LRBA: variants seen among roughly 807,000 people sequenced by gnomAD.
The protein encoded by LRBA is lipopolysaccharide-responsive and beige-like anchor protein.
Under a neutral mutation model 330.0 loss-of-function variants are expected in LRBA, and 176 were observed. That is an observed-to-expected ratio of 0.53 (90% CI 0.47 to 0.60). LRBA has a LOEUF of 0.60. LRBA is among the 20% of genes least tolerant of loss of function. LRBA has a pLI of 0.00. For synonymous variants in LRBA, 1,230 were observed against 1,193.0 expected (o/e 1.03, Z -0.64); for missense variants, 3,259 against 3,444.8 (o/e 0.95, Z 1.35).
At chr4:150,426,450 T>C (rs1031302314) in intron 46 of LRBA, among the ~76,000 whole-genome samples, 1 of 152,034 alleles carries the variant, frequency 6.6e-6, no homozygotes, top group Admixed American at 6.6e-5. Context: ...TTAAGTCTTG[T>C]CTACTCAACT....
chr4:150,273,274 C>G (rs2126720453), intron 56 of LRBA, among the ~76,000 whole-genome samples: 2 of 152,290 alleles, frequency 1.3e-5, no homozygotes, highest in South Asian at 4.2e-4. Context: ...GACATTTAGT[C>G]ACCACCAGGC....
chr4:150,844,607 A>G (rs548575557), intron 27 of LRBA, 51 bp downstream of exon 27: 2 of 1,499,546 alleles, frequency 1.3e-6, no homozygotes, highest in African/African-American at 2.8e-5. Context: ...AAAAATCTTA[A>G]TTGTAAAATA....
At chr4:150,388,751 G>A (rs1743449393) in intron 47 of LRBA, among the ~76,000 whole-genome samples, 2 of 152,108 alleles carry the variant, frequency 1.3e-5, no homozygotes, top group Admixed American at 6.5e-5. Context: ...AAGAAGGCAG[G>A]GACTTTATCA....
chr4:150,825,382 G>T (rs184753213), intron 30 of LRBA, among the ~76,000 whole-genome samples: 3 of 151,846 alleles, frequency 2.0e-5, no homozygotes, highest in Non-Finnish European at 4.4e-5. Flanking sequence ...ATGGGGCAGG[G>T]GGGGAAGGAG....
chr4:150,265,270 G>T lies in LRBA; in HGVS notation c.*452C>A, dbSNP rs1486500001. ...TACTATTTAAATCCCAGAAATATTA[G>T]TGCTGAAGAAGCACAGTTGTTTGGA... is the stretch of plus-strand genomic sequence containing the variant. On this transcript the variant is annotated 3_prime_UTR_variant, in exon 57 of 57. Coordinates refer to ENST00000651943, the MANE Select transcript of LRBA (RefSeq NM_001364905.1). 4 of 157,372 alleles carry T rather than the reference G, an allele frequency of 2.5e-5. No homozygotes were observed. Among genetic ancestry groups the T allele is most frequent in the African/African-American group, 9.6e-5 (4 of 41,480 alleles). 9.7% of individuals were successfully genotyped at this position (157,372 alleles called of 1,614,324 possible). A position where few individuals can be genotyped will look rare whatever the true frequency, so the allele number is the denominator to read the frequency against.
intron 2 of LRBA, among the ~76,000 whole-genome samples, chr4:151,000,469 T>C (rs1026373310): frequency 1.3e-5 from 2 of 152,230 alleles, no homozygotes; most frequent in African/African-American, 2.4e-5. Context: ...ATCACTACTC[T>C]TGTCCCGAAC....
intron 48 of LRBA, among the ~76,000 whole-genome samples, chr4:150,348,053 T>C (rs1736637383): frequency 6.6e-6 from 1 of 152,238 alleles, no homozygotes; most frequent in African/African-American, 2.4e-5. Context: ...CTACATATGG[T>C]TCATGGTTTA....
chr4:150,477,447 C>A lies in LRBA; in HGVS notation c.6552-5708G>T, dbSNP rs1756838431. ...AGGAAGCACCTTCTTCACAAGGCAG[C>A]AGTGGGGGTGGGAGAACCAAGAAAA... On this transcript the variant is annotated intron_variant, in intron 42 of 56. Coordinates refer to ENST00000651943, the MANE Select transcript of LRBA (RefSeq NM_001364905.1). 2.0e-5 allele frequency among the ~76,000 whole-genome samples: 3 copies of A among 151,998 alleles called. No individual in the cohort carries two copies. In the South Asian group the frequency reaches 6.2e-4, roughly 32 times the overall value.
At chr4:150,909,720 T>C (rs1220911512) in intron 9 of LRBA, among the ~76,000 whole-genome samples, 2 of 152,180 alleles carry the variant, frequency 1.3e-5, no homozygotes, top group Non-Finnish European at 2.9e-5. Context: ...TATTTTTAAT[T>C]TTTTGAGGAA....
chr4:150,481,478 T>C (rs1365577381), intron 42 of LRBA, among the ~76,000 whole-genome samples: 3 of 152,038 alleles, frequency 2.0e-5, no homozygotes, highest in Non-Finnish European at 4.4e-5. Flanking sequence ...TTGATGAGAT[T>C]TGAATATATA....
rs1387413425 is a variant in LRBA, at chr4:150,332,786, T to C, written c.7363-6888A>G. 3.3e-5 allele frequency among the ~76,000 whole-genome samples: 5 copies of C among 152,270 alleles called. No individual in the cohort carries two copies. The South Asian group carries it at 8.3e-4, about 25-fold the overall frequency. ...AGGCAGCATTCCAGATGTTGAGATA[T>C]ATAGTAATAAAAAAGACTATGCAAA... On this transcript the variant is annotated intron_variant, in intron 48 of 56. Transcript: ENST00000651943.
chr4:150,435,478 T>C, intron 46 of LRBA, 111 bp downstream of exon 46: 1 of 940,944 alleles, frequency 1.1e-6, no homozygotes, highest in Non-Finnish European at 1.6e-6. Flanking sequence ...ACTTATCTTC[T>C]GAGATTTATC....
intron 2 of LRBA, among the ~76,000 whole-genome samples, chr4:150,936,477 A>T (rs1264975467): frequency 6.6e-6 from 1 of 152,060 alleles, no homozygotes; most frequent in East Asian, 1.9e-4. Flanking sequence ...TTAAGGAGTG[A>T]CAGAATCTTC....
chr4:150,507,364 T>G (rs532321036), intron 40 of LRBA, among the ~76,000 whole-genome samples: 90 of 152,164 alleles, frequency 5.9e-4, no homozygotes, highest in Non-Finnish European at 1.2e-3. Flanking sequence ...AGCATGGTAC[T>G]GGTATCAAAA....
At position 150,321,787 on chromosome 4, in the gene LRBA, C is replaced by A. The variant is rs1450989905; in HGVS notation, c.7453-419G>T. Reference sequence around the variant, plus strand: ...GCACTAAAAAAACAGTAAGAATGGACAACAGGCATAAAAGCAAGACAAGGT... The same window carrying A: ...GCACTAAAAAAACAGTAAGAATGGAAAACAGGCATAAAAGCAAGACAAGGT... On this transcript the variant is annotated intron_variant, in intron 49 of 56. Transcript: ENST00000651943. The surrounding 1 kb of genome is among the most constrained non-coding windows in gnomAD (Gnocchi z 4.5). Among the ~76,000 whole-genome samples the A allele has an allele frequency of 6.6e-6, 1 of 152,032 alleles. No homozygotes were observed. Among genetic ancestry groups the A allele is most frequent in the Non-Finnish European group, 1.5e-5 (1 of 68,020 alleles).
intron 44 of LRBA, among the ~76,000 whole-genome samples, chr4:150,453,694 A>T (rs923111328): frequency 6.6e-6 from 1 of 152,108 alleles, no homozygotes; most frequent in African/African-American, 2.4e-5. Context: ...ATATACACGT[A>T]CACTATCTAT....
intron 42 of LRBA, among the ~76,000 whole-genome samples, chr4:150,480,356 A>G (rs1363814098): frequency 6.6e-6 from 1 of 152,130 alleles, no homozygotes; most frequent in Non-Finnish European, 1.5e-5. Context: ...TACAAAACTA[A>G]TATGTGAATT....
chr4:150,603,856 TGATA>T (rs1774361846), intron 37 of LRBA, among the ~76,000 whole-genome samples: 1 of 152,164 alleles, frequency 6.6e-6, no homozygotes, highest in Non-Finnish European at 1.5e-5. Flanking sequence ...GAACAGAATT[TGATA>T]GATTATTAAA....
chr4:150,692,040 T>C (rs913861063), intron 36 of LRBA, among the ~76,000 whole-genome samples: 9 of 152,204 alleles, frequency 5.9e-5, no homozygotes, highest in East Asian at 1.9e-4. Context: ...TGGAGAGGAA[T>C]TGACCACAGT....
Sources: allele counts gnomAD v4.1 joint callset (sites outside exome capture counted in the v4.1 genomes callset), GRCh38; gene constraint gnomAD v4.1.1; non-coding constraint Gnocchi (gnomAD v3.1); transcripts MANE v1.5; gene names NCBI Gene and HGNC (gene_info 2026-07-23, HGNC 2026-07-21).